The following IP6K1 variants were observed in gnomAD, a reference collection of about 807,000 sequenced individuals.
IP6K1 encodes inositol hexakisphosphate kinase 1.
IP6K1 carries 13 observed loss-of-function variants against 38.3 expected under a neutral mutation model. The ratio of observed to expected loss-of-function variants is 0.34; its 90% confidence interval spans 0.22 to 0.54. The LOEUF (loss-of-function observed/expected upper bound fraction) is 0.54, where lower values mean the gene tolerates loss of function less well. IP6K1 is among the 20% of genes least tolerant of loss of function. IP6K1 has a pLI of 0.92. For synonymous variants in IP6K1, 212 were observed against 229.9 expected (o/e 0.92, Z 0.70); for missense variants, 397 against 599.8 (o/e 0.66, Z 3.53).
In IP6K1 at chr3:49,728,083, T is replaced by G; in HGVS notation, c.792+20A>C. The G allele has an allele frequency of 6.2e-7, 1 of 1,605,472 alleles. No homozygotes were observed. Among genetic ancestry groups the G allele is most frequent in the Non-Finnish European group, 8.5e-7 (1 of 1,174,344 alleles). Reference sequence around the variant, plus strand: ...ATCATGCAAGTGGCAGCACCTAGGCTCTGAGCAGAGGTAACTCACCTGCAT... The same window carrying G: ...ATCATGCAAGTGGCAGCACCTAGGCGCTGAGCAGAGGTAACTCACCTGCAT... On this transcript the variant is annotated intron_variant, in intron 5 of 5. Transcript: ENST00000321599.
chr3:49,784,379 G>C (rs2081092919), intron 1 of IP6K1, among the ~76,000 whole-genome samples: 1 of 152,148 alleles, frequency 6.6e-6, no homozygotes, highest in South Asian at 2.1e-4. Context: ...AGGCACAGTG[G>C]CTCACGCCTG....
At chr3:49,733,574 A>G (rs2080581947) in intron 3 of IP6K1, among the ~76,000 whole-genome samples, 1 of 152,250 alleles carries the variant, frequency 6.6e-6, no homozygotes, top group African/African-American at 2.4e-5. Flanking sequence ...TTATTCAGCA[A>G]TAAAAAGGAA....
At chr3:49,753,233 T>C (rs1256365765) in intron 1 of IP6K1, among the ~76,000 whole-genome samples, 1 of 152,156 alleles carries the variant, frequency 6.6e-6, no homozygotes, top group Non-Finnish European at 1.5e-5. Flanking sequence ...ACATCAGGCA[T>C]ATATATATTC....
intron 2 of IP6K1, 41 bp from the exon 3 acceptor site, chr3:49,738,463 G>T: frequency 6.6e-7 from 1 of 1,508,508 alleles, no homozygotes; most frequent in Non-Finnish European, 9.2e-7. Context: ...TGTCAACACA[G>T]GCCGAGTCTA....
chr3:49,730,080 G>C (rs1026129730), intron 4 of IP6K1, among the ~76,000 whole-genome samples: 1 of 152,018 alleles, frequency 6.6e-6, no homozygotes, highest in Admixed American at 6.6e-5. Context: ...TTTGAGTAGA[G>C]CAGGGTTTTA....
rs562635272 is a variant in IP6K1 at position 49,725,832 on chromosome 3, G to A, written c.*1290C>T. 2.6e-5 allele frequency: 4 copies of A among 152,510 alleles called. No individual in the cohort carries two copies. The highest frequency in any genetic ancestry group is 9.6e-5 in the African/African-American group (4 of 41,558). The allele number at this position is 152,510 out of a possible 1,614,324, so 9.4% of individuals were successfully genotyped here. ...TTCTAGGCCCACAGAAATGGTGCTGGGTCAACAGGGAAACACCAATTTATT... is the reference window on the plus strand; with the variant it reads ...TTCTAGGCCCACAGAAATGGTGCTGAGTCAACAGGGAAACACCAATTTATT... On this transcript the variant is annotated 3_prime_UTR_variant, in exon 6 of 6. Coordinates refer to ENST00000321599, the MANE Select transcript of IP6K1 (RefSeq NM_153273.4).
chr3:49,740,967 G>A (rs1258020953), intron 2 of IP6K1, among the ~76,000 whole-genome samples: 4 of 151,470 alleles, frequency 2.6e-5, no homozygotes, highest in Non-Finnish European at 5.9e-5. Context: ...TCCTGCCTCA[G>A]CCTCCTGAGG....
chr3:49,764,015 G>GT (rs1019627916), intron 1 of IP6K1, among the ~76,000 whole-genome samples: 3 of 151,850 alleles, frequency 2.0e-5, no homozygotes, highest in African/African-American at 7.3e-5. Flanking sequence ...GAGCAAGACT[G>GT]TTTCCAAAAA....
intron 2 of IP6K1, 118 bp downstream of exon 2, chr3:49,747,700 G>A (rs7374183): frequency 0.53 from 709,231 of 1,331,412 alleles, 193,343 homozygotes; most frequent in East Asian, 0.81. Context: ...AAGTGACTTC[G>A]TGCTTTGAGA....
At chr3:49,731,907 G>GAAAAAAAAAAAAAAAAAAAAAAA (rs1277207284) in intron 4 of IP6K1, among the ~76,000 whole-genome samples, 8 of 69,030 alleles carry the variant, frequency 1.2e-4, no homozygotes, top group Admixed American at 3.7e-4. Context: ...AAAAAAAAAG[G>GAAAAAAAAAAAAAAAAAAAAAAA]AATTCCTATG....
intron 1 of IP6K1, among the ~76,000 whole-genome samples, chr3:49,776,587 A>G (rs1315809201): frequency 6.6e-6 from 1 of 152,096 alleles, no homozygotes; most frequent in Non-Finnish European, 1.5e-5. Context: ...ACACTTATTT[A>G]CAGTATGATA....
intron 1 of IP6K1, among the ~76,000 whole-genome samples, chr3:49,768,310 G>A (rs1338371292): frequency 6.6e-6 from 1 of 152,130 alleles, no homozygotes; most frequent in Non-Finnish European, 1.5e-5. Flanking sequence ...CAGATAAATG[G>A]ATAAAGATAT....
At chr3:49,784,937 C>T (rs2081098470) in intron 1 of IP6K1, among the ~76,000 whole-genome samples, 1 of 152,046 alleles carries the variant, frequency 6.6e-6, no homozygotes, top group South Asian at 2.1e-4. Context: ...GAGCAAGACT[C>T]CATCTCAAAA....
intron 1 of IP6K1, among the ~76,000 whole-genome samples, chr3:49,764,370 AGACCC>A (rs72254230): frequency 0.47 from 70,746 of 151,802 alleles, 17,261 homozygotes; most frequent in African/African-American, 0.55. Flanking sequence ...CAACGAAGCA[AGACCC>A]TGTCTCTAAA....
At chr3:49,774,008 CACACACACACA>C (rs1331930724) in intron 1 of IP6K1, among the ~76,000 whole-genome samples, 1 of 143,740 alleles carries the variant, frequency 7.0e-6, no homozygotes. Context: ...CACACACACA[CACACACACACA>C]ACACACACAT....
intron 1 of IP6K1, chr3:49,775,586 C>A: frequency 1.0e-6 from 1 of 963,422 alleles, no homozygotes; most frequent in African/African-American, 1.6e-5. Context: ...TCTACGAACA[C>A]AAAAAAATGC....
rs1413319131 is a variant in IP6K1 at position 49,748,115 on chromosome 3, G to T, written c.-75C>A. 2 of 1,502,176 alleles carry T rather than the reference G, an allele frequency of 1.3e-6. No individual in the cohort carries two copies. Among genetic ancestry groups the T allele is most frequent in the East Asian group, 2.3e-5 (1 of 43,856 alleles). The allele number at this position is 1,502,176 out of a possible 1,614,324, so 93.1% of individuals were successfully genotyped here. On this transcript the variant is annotated 5_prime_UTR_variant, in exon 2 of 6. Coordinates refer to ENST00000321599, the MANE Select transcript of IP6K1 (RefSeq NM_153273.4). The stretch of plus-strand genomic sequence containing the variant: ...CCACAAAAGGAGAGCTACATAGAAG[G>T]TCCTGGCCAGGTGAAAGCCAATGGT...
chr3:49,749,465 A>G (rs986356216), intron 1 of IP6K1, among the ~76,000 whole-genome samples: 21 of 152,232 alleles, frequency 1.4e-4, no homozygotes, highest in Non-Finnish European at 2.5e-4. Flanking sequence ...GCAAGAATAC[A>G]TCAGAAAGAT....
At chr3:49,748,279 T>C (rs982599779) in intron 1 of IP6K1, 111 bp from the exon 2 acceptor site, 6 of 550,474 alleles carry the variant, frequency 1.1e-5, no homozygotes, top group African/African-American at 1.9e-5. Context: ...ACTATGTGTA[T>C]CCCTAGCACG....
Sources: allele counts gnomAD v4.1 joint callset (sites outside exome capture counted in the v4.1 genomes callset), GRCh38; gene constraint gnomAD v4.1.1; transcripts MANE v1.5; gene names NCBI Gene and HGNC (gene_info 2026-07-23, HGNC 2026-07-21).